Variants in VARS1 observed in about 807,000 individuals in gnomAD.
The protein encoded by VARS1 is valyl-tRNA synthetase 1, also known as valine--tRNA ligase.
In VARS1, 92 loss-of-function variants were observed where a neutral mutation model predicts 161.0. The observed-to-expected ratio is 0.57, with a 90% confidence interval of 0.48 to 0.68. VARS1 has a LOEUF of 0.68. Among genes scored for constraint, VARS1 ranks in the 30% least tolerant of loss-of-function variants. VARS1 has a pLI of 0.00. For synonymous variants in VARS1, 595 were observed against 682.5 expected (o/e 0.87, Z 2.00); for missense variants, 1,338 against 1,695.9 (o/e 0.79, Z 3.71).
intron 8 of VARS1, among the ~76,000 whole-genome samples, chr6:31,787,095 C>T (rs1249414140): frequency 1.4e-5 from 2 of 147,988 alleles, no homozygotes; most frequent in Non-Finnish European, 3.0e-5. Flanking sequence ...GGCATGGTGG[C>T]GTGCACCTTT....
At chr6:31,789,505 T>C (rs1813728937) in intron 8 of VARS1, among the ~76,000 whole-genome samples, 1 of 152,128 alleles carries the variant, frequency 6.6e-6, no homozygotes, top group African/African-American at 2.4e-5. Context: ...TCACAGCAAT[T>C]CCTGGAGGTA....
At position 31,780,526 on chromosome 6, in the gene VARS1, C is replaced by T. The variant is rs150882285; in HGVS notation, c.2840G>A (p.Arg947His). The T allele has an allele frequency of 5.0e-6, 8 of 1,613,906 alleles. No individual in the cohort carries two copies. The highest frequency in any genetic ancestry group is 2.7e-5 in the African/African-American group (2 of 74,940). The change falls in exon 25 of 30, where the codon CGC (arginine) becomes CAC (histidine). Residue 947 changes from arginine to histidine, a missense_variant. Around this residue, in one of 3 missense-constraint regions of VARS1, gnomAD observed 433 missense variants for 586.2 expected, o/e 0.74. Coordinates refer to ENST00000375663, the MANE Select transcript of VARS1 (RefSeq NM_006295.3). This position sits in a 1 kb window ranked among gnomAD's most constrained non-coding sequence, Gnocchi z 5.1. ...ATTCCAGAGCTTGTTGCAGAAGTGGCGGTAACCCAGTATCCGGTTCACATC... is the reference window on the plus strand; with the variant it reads ...ATTCCAGAGCTTGTTGCAGAAGTGGTGGTAACCCAGTATCCGGTTCACATC... Reference protein sequence around the residue: ...NLDVNRILGYRHFCNKLWNAT... With the variant: ...NLDVNRILGYHHFCNKLWNAT...
intron 8 of VARS1, among the ~76,000 whole-genome samples, chr6:31,786,271 C>CAAA: frequency 7.3e-6 from 1 of 136,242 alleles, no homozygotes; most frequent in South Asian, 2.4e-4. Context: ...AAAAAACAAA[C>CAAA]AAAAAAAAAA....
In VARS1 at chr6:31,782,047, A is replaced by G; in HGVS notation, c.2241+40T>C. 3 of 1,612,246 alleles carry G rather than the reference A, an allele frequency of 1.9e-6. No individual in the cohort carries two copies. The highest frequency in any genetic ancestry group is 1.7e-6 in the Non-Finnish European group (2 of 1,179,000). On this transcript the variant is annotated intron_variant, in intron 18 of 29. Transcript: ENST00000375663. This position sits in a 1 kb window ranked among gnomAD's most constrained non-coding sequence, Gnocchi z 8.3. ...AAGGACCCAGTAAACCCACCACTCC[A>G]GCAGGGTGTCCCAGCAGCTAGCTCT...
Position 31,781,983 on chromosome 6 carries a change from G to A in VARS1, c.2242-31C>T, listed in dbSNP as rs754676615. 6 of 1,613,122 alleles carry A rather than the reference G, an allele frequency of 3.7e-6. No homozygotes were observed. Among genetic ancestry groups the A allele is most frequent in the Non-Finnish European group, 5.1e-6 (6 of 1,179,964 alleles). ...ACAGGTGCAGTGATTACCCAAGGGGGTGTGTCTGCTTCTGGCTCACCCTGC... is the reference window on the plus strand; with the variant it reads ...ACAGGTGCAGTGATTACCCAAGGGGATGTGTCTGCTTCTGGCTCACCCTGC... On this transcript the variant is annotated intron_variant, in intron 18 of 29. Transcript: ENST00000375663. The surrounding 1 kb of genome is among the most constrained non-coding windows in gnomAD (Gnocchi z 6.8).
Position 31,777,746 on chromosome 6 carries a change from T to C in VARS1, c.3727-84A>G. The C allele has an allele frequency of 6.6e-7, 1 of 1,510,240 alleles. No homozygotes were observed. Among genetic ancestry groups the C allele is most frequent in the Non-Finnish European group, 9.0e-7 (1 of 1,107,400 alleles). The allele number at this position is 1,510,240 out of a possible 1,614,324, so 93.6% of individuals were successfully genotyped here. The stretch of plus-strand genomic sequence containing the variant: ...ACCCAGGACAACAAAGTTGGAAAGA[T>C]GAGCGAGGACCATGGGAGGTCAGTA... On this transcript the variant is annotated intron_variant, in intron 29 of 29. Transcript: ENST00000375663. This position sits in a 1 kb window ranked among gnomAD's most constrained non-coding sequence, Gnocchi z 5.8.
In VARS1 at chr6:31,781,880, C is replaced by T. The variant is rs369603016; in HGVS notation, c.2314G>A (p.Gly772Arg). 45 of 1,612,862 alleles carry T rather than the reference C, an allele frequency of 2.8e-5. No individual in the cohort carries two copies. In the African/African-American group the frequency reaches 2.8e-4, roughly 10 times the overall value. Reference protein sequence around the residue: ...EAREKAAKEFGVSPDKISLQQ... With the variant: ...EAREKAAKEFRVSPDKISLQQ... ...AGACTGATCTTGTCAGGGGACACTC[C>T]GAACTCCTTGGCTGCCTTCTCCCGG... is the stretch of plus-strand genomic sequence containing the variant. The change falls in exon 19 of 30, where the codon GGA becomes AGA. Residue 772 changes from glycine (G) to arginine (R), a missense_variant. By Grantham distance (125) the Gly-to-Arg change is moderately radical. Around this residue, in one of 3 missense-constraint regions of VARS1, gnomAD observed 902 missense variants for 1,090.3 expected, o/e 0.83. Transcript: ENST00000375663. The surrounding 1 kb of genome is among the most constrained non-coding windows in gnomAD (Gnocchi z 6.8).
rs187063234 is a variant in VARS1, at chr6:31,778,745, G to T, written c.3726+222C>A. On this transcript the variant is annotated intron_variant, in intron 29 of 29. Coordinates refer to ENST00000375663, the MANE Select transcript of VARS1 (RefSeq NM_006295.3). This position sits in a 1 kb window ranked among gnomAD's most constrained non-coding sequence, Gnocchi z 5.1. Reference sequence around the variant, plus strand: ...TGGTCTCAAACCCCTGGGCTCAAGTGATCCACCCACCTTGGCCTCCCAAAT... The same window carrying T: ...TGGTCTCAAACCCCTGGGCTCAAGTTATCCACCCACCTTGGCCTCCCAAAT... The T allele has an allele frequency of 3.6e-5, 22 of 614,142 alleles. No homozygotes were observed. In the East Asian group the frequency reaches 6.4e-4, roughly 18 times the overall value. The allele number at this position is 614,142 out of a possible 1,614,324, so 38.0% of individuals were successfully genotyped here. A position where few individuals can be genotyped will look rare whatever the true frequency, so the allele number is the denominator to read the frequency against.
At position 31,781,360 on chromosome 6, in the gene VARS1, C is replaced by A. The variant is rs1350780571; in HGVS notation, c.2544+121G>T. On this transcript the variant is annotated intron_variant, in intron 21 of 29. Transcript: ENST00000375663. This position sits in a 1 kb window ranked among gnomAD's most constrained non-coding sequence, Gnocchi z 6.8. ...AGGCTGGATTTCAACCCCACACCAG[C>A]CCCCGGGTCAGGCCTGCCCACAGCT... 6.9e-7 allele frequency: 1 copy of A among 1,442,140 alleles called. No homozygotes were observed. Among genetic ancestry groups the A allele is most frequent in the Middle Eastern group, 2.5e-4 (1 of 4,008 alleles). 89.3% of individuals were successfully genotyped at this position (1,442,140 alleles called of 1,614,324 possible). A position where few individuals can be genotyped will look rare whatever the true frequency, so the allele number is the denominator to read the frequency against.
At chr6:31,788,082 T>C (rs1813620004) in intron 8 of VARS1, among the ~76,000 whole-genome samples, 1 of 150,886 alleles carries the variant, frequency 6.6e-6, no homozygotes, top group African/African-American at 2.4e-5. Flanking sequence ...ACTGCGCCAC[T>C]GCACTCCAGC....
rs544174187 is a variant in VARS1 at position 31,784,849 on chromosome 6, T to C, written c.1348-135A>G. 4 of 1,274,074 alleles carry C rather than the reference T, an allele frequency of 3.1e-6. No individual in the cohort carries two copies. The highest frequency in any genetic ancestry group is 4.8e-5 in the East Asian group (2 of 41,428). 78.9% of individuals were successfully genotyped at this position (1,274,074 alleles called of 1,614,324 possible). A position where few individuals can be genotyped will look rare whatever the true frequency, so the allele number is the denominator to read the frequency against. ...ACAAAGACCCCTCTGAGGGGAGTACTTTCCTTCTTTCCTTGAGGGGGAGAG... is the reference window on the plus strand; with the variant it reads ...ACAAAGACCCCTCTGAGGGGAGTACCTTCCTTCTTTCCTTGAGGGGGAGAG... On this transcript the variant is annotated intron_variant, in intron 10 of 29. Coordinates refer to ENST00000375663, the MANE Select transcript of VARS1 (RefSeq NM_006295.3). The surrounding 1 kb of genome is among the most constrained non-coding windows in gnomAD (Gnocchi z 6.1).
At position 31,791,734 on chromosome 6, in the gene VARS1, G is replaced by T; in HGVS notation, c.976C>A (p.Pro326Thr). The change falls in exon 8 of 30, where the codon CCT (proline) becomes ACT (threonine). Residue 326 changes from proline to threonine, a missense_variant. Physicochemically the swap from Pro to Thr is conservative, Grantham distance 38 (BLOSUM62 -1). Transcript: ENST00000375663. The surrounding 1 kb of genome is among the most constrained non-coding windows in gnomAD (Gnocchi z 5.0). ...CGGGGATTTGCTGCTGACACATTAG[G>T]ACGCTGATGGTGGAGAAGGATGGCA... ...QGFFKPEYGR[P>T]NVSAANPRGV... 1 of 1,613,084 alleles carries T rather than the reference G, an allele frequency of 6.2e-7. No individual in the cohort carries two copies. Among genetic ancestry groups the T allele is most frequent in the Non-Finnish European group, 8.5e-7 (1 of 1,180,006 alleles).
rs1813365369 is a variant in VARS1 at position 31,784,487 on chromosome 6, G to C, written c.1483C>G (p.Leu495Val). Reference sequence around the variant, plus strand: ...ACGGAGAGCAGGGTGCGACCTGTCAGCTCCTTCTTATCCACCTGTAAAATG... The same window carrying C: ...ACGGAGAGCAGGGTGCGACCTGTCACCTCCTTCTTATCCACCTGTAAAATG... ...ISDIEVDKKE[L>V]TGRTLLSVPG... is the part of the protein sequence containing the mutation. The change falls in exon 12 of 30, where the codon CTG becomes GTG. Residue 495 changes from leucine to valine, a missense_variant. Physicochemically the swap from Leu to Val is conservative, Grantham distance 32. Coordinates refer to ENST00000375663, the MANE Select transcript of VARS1 (RefSeq NM_006295.3). The surrounding 1 kb of genome is among the most constrained non-coding windows in gnomAD (Gnocchi z 6.1). 1 of 1,614,100 alleles carries C rather than the reference G, an allele frequency of 6.2e-7. No individual in the cohort carries two copies.
In VARS1 at chr6:31,778,686, T is replaced by G; in HGVS notation, c.3726+281A>C. ...CACTATGGCCAGCTAATTTTTGTAT[T>G]TTTGTTGTAGAGATGGGATTTCACC... On this transcript the variant is annotated intron_variant, in intron 29 of 29. Coordinates refer to ENST00000375663, the MANE Select transcript of VARS1 (RefSeq NM_006295.3). The surrounding 1 kb of genome is among the most constrained non-coding windows in gnomAD (Gnocchi z 5.1). The G allele has an allele frequency of 2.0e-6, 1 of 512,148 alleles. No individual in the cohort carries two copies. Among genetic ancestry groups the G allele is most frequent in the Non-Finnish European group, 3.5e-6 (1 of 288,956 alleles). 31.7% of individuals were successfully genotyped at this position (512,148 alleles called of 1,614,324 possible).
chr6:31,779,983 T>A lies in VARS1; in HGVS notation c.3081+15A>T. The A allele has an allele frequency of 6.2e-7, 1 of 1,613,484 alleles. No homozygotes were observed. Among genetic ancestry groups the A allele is most frequent in the Non-Finnish European group, 8.5e-7 (1 of 1,179,886 alleles). On this transcript the variant is annotated intron_variant, in intron 26 of 29. Coordinates refer to ENST00000375663, the MANE Select transcript of VARS1 (RefSeq NM_006295.3). The surrounding 1 kb of genome is among the most constrained non-coding windows in gnomAD (Gnocchi z 9.1). Reference sequence around the variant, plus strand: ...CTGCCCCCACCATCCCCTGCCCCGCTGTGCTCCTTCTCACCAAGTAGACAT... The same window carrying A: ...CTGCCCCCACCATCCCCTGCCCCGCAGTGCTCCTTCTCACCAAGTAGACAT...
At position 31,782,197 on chromosome 6, in the gene VARS1, G is replaced by C. The variant is rs1813200458; in HGVS notation, c.2151-20C>G. 6.2e-7 allele frequency: 1 copy of C among 1,612,872 alleles called. No individual in the cohort carries two copies. Among genetic ancestry groups the C allele is most frequent in the Admixed American group, 1.7e-5 (1 of 59,948 alleles). On this transcript the variant is annotated intron_variant, in intron 17 of 29. Coordinates refer to ENST00000375663, the MANE Select transcript of VARS1 (RefSeq NM_006295.3). The surrounding 1 kb of genome is among the most constrained non-coding windows in gnomAD (Gnocchi z 8.3). The stretch of plus-strand genomic sequence containing the variant: ...CACTCCCTGCAAATGTCGGGGAGGA[G>C]AAATCAGGGAGGGCCTGATGGAGCC...
Position 31,779,896 on chromosome 6 carries a change from T to G in VARS1, c.3082-82A>C. 1.9e-6 allele frequency: 3 copies of G among 1,602,058 alleles called. No homozygotes were observed. Among genetic ancestry groups the G allele is most frequent in the South Asian group, 2.2e-5 (2 of 90,504 alleles). On this transcript the variant is annotated intron_variant, in intron 26 of 29. Coordinates refer to ENST00000375663, the MANE Select transcript of VARS1 (RefSeq NM_006295.3). This position sits in a 1 kb window ranked among gnomAD's most constrained non-coding sequence, Gnocchi z 9.1. ...GTGCCTGTGAGGACTGGGAAGGGGA[T>G]GGGTTGGCTTAGGTCTCAAGGCCAA... is the stretch of plus-strand genomic sequence containing the variant.
At chr6:31,787,872 A>T (rs1813602766) in intron 8 of VARS1, among the ~76,000 whole-genome samples, 1 of 152,054 alleles carries the variant, frequency 6.6e-6, no homozygotes, top group African/African-American at 2.4e-5. Flanking sequence ...TAATCCCAGC[A>T]CTTTGGGACG....
intron 8 of VARS1, among the ~76,000 whole-genome samples, chr6:31,787,934 C>T (rs547152988): frequency 1.1e-4 from 16 of 151,750 alleles, no homozygotes; most frequent in South Asian, 6.3e-4. Flanking sequence ...TTGGCTAACA[C>T]GGTGAAACCC....
Sources: allele counts gnomAD v4.1 joint callset (sites outside exome capture counted in the v4.1 genomes callset), GRCh38; gene constraint gnomAD v4.1.1; regional missense constraint gnomAD v4.1.1; non-coding constraint Gnocchi (gnomAD v3.1); transcripts MANE v1.5; gene names NCBI Gene and HGNC (gene_info 2026-07-23, HGNC 2026-07-21).